Variants in SPATA12 observed in about 807,000 individuals in gnomAD.
SPATA12 encodes spermatogenesis-associated protein 12.
For missense variants in SPATA12, 219 were observed against 226.4 expected, an observed-to-expected ratio of 0.97 and a Z score of 0.21; for synonymous variants, 85 against 89.2, an observed-to-expected ratio of 0.95 and a Z score of 0.26.
chr3:57,072,789 G>A (rs2107409539), intron 1 of SPATA12, among the ~76,000 whole-genome samples: 1 of 151,810 alleles, frequency 6.6e-6, no homozygotes, highest in South Asian at 2.1e-4. Flanking sequence ...GCTCACTCCT[G>A]TAATCCCAGC....
Position 57,073,934 on chromosome 3 carries a change from G to T in SPATA12, c.240G>T (p.Glu80Asp). Residue 80 changes from glutamate to aspartate, a missense_variant, in exon 2 of 2, where the codon GAG becomes GAT. Glu to Asp is a conservative substitution (Grantham distance 45, BLOSUM62 2). Coordinates refer to ENST00000334325, the MANE Select transcript of SPATA12 (RefSeq NM_181727.2). ...LTFQGDVCQSETCQRYLQAAI... is the reference protein window; with the variant it reads ...LTFQGDVCQSDTCQRYLQAAI... The stretch of plus-strand genomic sequence containing the variant: ...TTCAGGGGGATGTGTGCCAAAGTGA[G>T]ACCTGTCAGAGATATTTACAAGCAG... The T allele has an allele frequency of 1.2e-6, 2 of 1,614,202 alleles. No homozygotes were observed. The highest frequency in any genetic ancestry group is 1.7e-6 in the Non-Finnish European group (2 of 1,180,034).
chr3:57,061,862 G>C (rs1051115668), intron 1 of SPATA12, among the ~76,000 whole-genome samples: 1 of 152,170 alleles, frequency 6.6e-6, no homozygotes, highest in African/African-American at 2.4e-5. Flanking sequence ...CCTGAGGTGA[G>C]AGAGGTCCTC....
chr3:57,063,489 A>G (rs1372422019), intron 1 of SPATA12, among the ~76,000 whole-genome samples: 1 of 152,068 alleles, frequency 6.6e-6, no homozygotes, highest in Non-Finnish European at 1.5e-5. Context: ...TAGGAGCGGG[A>G]GGGGAGCAGT....
intron 1 of SPATA12, among the ~76,000 whole-genome samples, chr3:57,066,699 T>C (rs994370044): frequency 6.6e-6 from 1 of 152,268 alleles, no homozygotes; most frequent in African/African-American, 2.4e-5. Context: ...TGTGAAGGTA[T>C]TTTTTAGATG....
intron 1 of SPATA12, among the ~76,000 whole-genome samples, chr3:57,064,381 C>G (rs866004692): frequency 6.6e-6 from 1 of 151,274 alleles, no homozygotes; most frequent in African/African-American, 2.4e-5. Context: ...TGGGATGCAG[C>G]GGCAAGATCA....
chr3:57,073,522 T>C lies in SPATA12; in HGVS notation c.-173T>C. 9.5e-7 allele frequency: 1 copy of C among 1,052,694 alleles called. No homozygotes were observed. The highest frequency in any genetic ancestry group is 2.6e-5 in the East Asian group (1 of 37,836). The allele number at this position is 1,052,694 out of a possible 1,614,324, so 65.2% of individuals were successfully genotyped here. ...CTGCAGTATCTGGGTGACTGTGGGG[T>C]TTGGCTCTGTTTGAGCACCCCGGGA... On this transcript the variant is annotated 5_prime_UTR_variant, in exon 2 of 2. Transcript: ENST00000334325.
chr3:57,072,287 A>G (rs1705951537), intron 1 of SPATA12, among the ~76,000 whole-genome samples: 1 of 152,190 alleles, frequency 6.6e-6, no homozygotes, highest in Non-Finnish European at 1.5e-5. Flanking sequence ...AAATAAAACC[A>G]TATGTCCACA....
At position 57,074,444 on chromosome 3, in the gene SPATA12, T is replaced by A; in HGVS notation, c.*177T>A. 1.6e-6 allele frequency: 1 copy of A among 614,290 alleles called. No individual in the cohort carries two copies. Among genetic ancestry groups the A allele is most frequent in the South Asian group, 2.1e-5 (1 of 48,332 alleles). 38.1% of individuals were successfully genotyped at this position (614,290 alleles called of 1,614,324 possible). On this transcript the variant is annotated 3_prime_UTR_variant, in exon 2 of 2. Transcript: ENST00000334325. ...GCCTCCCTGTCACACTTCCCCAATA[T>A]CACAGATGAAGAAATCAAGATTCAG... is the stretch of plus-strand genomic sequence containing the variant.
rs757078354 is a variant in SPATA12 at position 57,074,138 on chromosome 3, T to C, written c.444T>C (p.Cys148=). The C allele has an allele frequency of 1.6e-5, 26 of 1,613,866 alleles. No homozygotes were observed. Among genetic ancestry groups the C allele is most frequent in the African/African-American group, 2.7e-5 (2 of 74,910 alleles). ...CCACAGGATGGTTGTGGAGACTGTG[T>C]GAGGATATAGATGCCGAGCCCAGTA... ...ERTTGWLWRL[C]EDIDAEPSST... is the part of the protein sequence containing the mutation. Residue 148 remains cysteine, a synonymous_variant, in exon 2 of 2, where the codon TGT becomes TGC. Transcript: ENST00000334325.
chr3:57,073,403 T>C lies in SPATA12; in HGVS notation c.-292T>C, dbSNP rs1467267158. On this transcript the variant is annotated 5_prime_UTR_variant, in exon 2 of 2. Coordinates refer to ENST00000334325, the MANE Select transcript of SPATA12 (RefSeq NM_181727.2). ...GAAAGAGAGAGAAAGCCACTGGAGT[T>C]GGGCAGCGTGGGAAGCTGTGAAAGT... 5.8e-6 allele frequency: 2 copies of C among 343,518 alleles called. No homozygotes were observed. Among genetic ancestry groups the C allele is most frequent in the African/African-American group, 4.2e-5 (2 of 47,830 alleles). 21.3% of individuals were successfully genotyped at this position (343,518 alleles called of 1,614,324 possible). A position where few individuals can be genotyped will look rare whatever the true frequency, so the allele number is the denominator to read the frequency against.
rs1484886325 is a variant in SPATA12, at chr3:57,075,330, G to A, written c.*1063G>A. On this transcript the variant is annotated 3_prime_UTR_variant, in exon 2 of 2. Transcript: ENST00000334325. ...GATGTAAACTCCACAAGGGAGGAAT[G>A]CTGTCAGTTTCTTTGACTGCTGTGT... 1 of 167,130 alleles carries A rather than the reference G, an allele frequency of 6.0e-6. No individual in the cohort carries two copies. The highest frequency in any genetic ancestry group is 1.5e-5 in the Non-Finnish European group (1 of 68,180). The allele number at this position is 167,130 out of a possible 1,614,324, so 10.4% of individuals were successfully genotyped here. A position where few individuals can be genotyped will look rare whatever the true frequency, so the allele number is the denominator to read the frequency against.
At chr3:57,065,238 G>A (rs1705459839) in intron 1 of SPATA12, among the ~76,000 whole-genome samples, 2 of 152,222 alleles carry the variant, frequency 1.3e-5, no homozygotes, top group Admixed American at 6.5e-5. Flanking sequence ...GAGGCGGGCA[G>A]ATAACTTGAG....
chr3:57,071,227 A>ATGTCCCAG (rs1705883166), intron 1 of SPATA12, among the ~76,000 whole-genome samples: 2 of 152,218 alleles, frequency 1.3e-5, no homozygotes, highest in African/African-American at 4.8e-5. Context: ...GAGTCTTTTC[A>ATGTCCCAG]ACACATGGTT....
At chr3:57,070,988 G>A (rs201270978) in intron 1 of SPATA12, among the ~76,000 whole-genome samples, 2,569 of 116,226 alleles carry the variant, frequency 0.022, 98 homozygotes, top group African/African-American at 0.073. Context: ...AAAAAAAAAA[G>A]AAAGAAAGAA....
chr3:57,072,409 T>C (rs980455926), intron 1 of SPATA12, among the ~76,000 whole-genome samples: 2 of 150,710 alleles, frequency 1.3e-5, no homozygotes, highest in African/African-American at 4.9e-5. Flanking sequence ...GGGAAAACAT[T>C]AGTTGTTAGC....
rs1250140925 is a variant in SPATA12, at chr3:57,074,565, A to G, written c.*298A>G. 5.9e-6 allele frequency: 2 copies of G among 337,072 alleles called. No homozygotes were observed. Among genetic ancestry groups the G allele is most frequent in the Non-Finnish European group, 1.1e-5 (2 of 175,050 alleles). 20.9% of individuals were successfully genotyped at this position (337,072 alleles called of 1,614,324 possible). A position where few individuals can be genotyped will look rare whatever the true frequency, so the allele number is the denominator to read the frequency against. ...TGTATTAAATGACATCAATTGATCA[A>G]TCAATCGATCAATCAATGAAAGAGT... On this transcript the variant is annotated 3_prime_UTR_variant, in exon 2 of 2. Coordinates refer to ENST00000334325, the MANE Select transcript of SPATA12 (RefSeq NM_181727.2).
chr3:57,066,296 C>G (rs1705533397), intron 1 of SPATA12, among the ~76,000 whole-genome samples: 1 of 151,324 alleles, frequency 6.6e-6, no homozygotes, highest in Non-Finnish European at 1.5e-5. Flanking sequence ...GAAACAGAGT[C>G]TGACTCTGTC....
At position 57,066,180 on chromosome 3, in the gene SPATA12, A is replaced by G. The variant is rs546453339; in HGVS notation, c.-330+5394A>G. On this transcript the variant is annotated intron_variant, in intron 1 of 1. Coordinates refer to ENST00000334325, the MANE Select transcript of SPATA12 (RefSeq NM_181727.2). ...AAGGGAGGGACTTATTTTGCAGTCA[A>G]TCAAAGGGGAGGGAATTCTTTCCGA... Among the ~76,000 whole-genome samples the G allele has an allele frequency of 6.3e-4, 96 of 152,284 alleles. 2 individuals carry two copies. The South Asian group carries it at 0.017, about 28-fold the overall frequency.
At chr3:57,065,343 C>A (rs1316931002) in intron 1 of SPATA12, among the ~76,000 whole-genome samples, 1 of 152,108 alleles carries the variant, frequency 6.6e-6, no homozygotes, top group Admixed American at 6.5e-5. Flanking sequence ...CACCTGTAGT[C>A]CCAGCTACTA....
Sources: allele counts gnomAD v4.1 joint callset (sites outside exome capture counted in the v4.1 genomes callset), GRCh38; gene constraint gnomAD v4.1.1; transcripts MANE v1.5; gene names NCBI Gene and HGNC (gene_info 2026-07-23, HGNC 2026-07-21).